TRIM33: variants seen among roughly 807,000 people sequenced by gnomAD.
TRIM33 encodes E3 ubiquitin-protein ligase TRIM33.
In TRIM33, 20 loss-of-function variants were observed where a neutral mutation model predicts 125.4. The observed-to-expected ratio is 0.16, with a 90% CI of 0.11 to 0.23. TRIM33 has a LOEUF of 0.23. Ranked by LOEUF, TRIM33 falls within the 10% of genes least tolerant of loss-of-function variation. TRIM33 has a pLI of 1.00. For missense variants in TRIM33, 920 were observed against 1,411.4 expected (o/e 0.65, Z 5.58); for synonymous variants, 564 against 513.9 (o/e 1.10, Z -1.32).
chr1:114,478,757 T>C (rs1651123440), intron 1 of TRIM33, among the ~76,000 whole-genome samples: 1 of 152,208 alleles, frequency 6.6e-6, no homozygotes, highest in African/African-American at 2.4e-5. Flanking sequence ...GCTTCAATAA[T>C]ACACTTCAGG....
At chr1:114,428,225 A>C (rs944893950) in intron 6 of TRIM33, among the ~76,000 whole-genome samples, 1 of 152,246 alleles carries the variant, frequency 6.6e-6, no homozygotes, top group African/African-American at 2.4e-5. Context: ...CTAACTTTAG[A>C]AATAAATTTA....
intron 11 of TRIM33, among the ~76,000 whole-genome samples, chr1:114,417,831 T>C (rs1281316662): frequency 6.6e-6 from 1 of 152,078 alleles, no homozygotes; most frequent in Non-Finnish European, 1.5e-5. Context: ...GCTAATTTTG[T>C]ATTTTTAGTA....
At position 114,393,271 on chromosome 1, in the gene TRIM33, T is replaced by G. The variant is rs1651374649; in HGVS notation, c.*4377A>C. The G allele has an allele frequency of 4.9e-6, 1 of 203,684 alleles. No homozygotes were observed. Among genetic ancestry groups the G allele is most frequent in the Non-Finnish European group, 1.0e-5 (1 of 99,048 alleles). 12.6% of individuals were successfully genotyped at this position (203,684 alleles called of 1,614,324 possible). On this transcript the variant is annotated 3_prime_UTR_variant, in exon 20 of 20. Transcript: ENST00000358465. ...GCACAAATCTTTTTTTATAGGCTTATGTATATGTTTCACTGTGTTTTAAAA... is the reference window on the plus strand; with the variant it reads ...GCACAAATCTTTTTTTATAGGCTTAGGTATATGTTTCACTGTGTTTTAAAA...
intron 15 of TRIM33, among the ~76,000 whole-genome samples, chr1:114,403,257 C>T (rs891466370): frequency 2.0e-5 from 3 of 152,204 alleles, no homozygotes; most frequent in Admixed American, 6.5e-5. Context: ...CAGAGTTTCT[C>T]AGGTATCTTG....
intron 11 of TRIM33, among the ~76,000 whole-genome samples, chr1:114,413,740 G>T (rs558395966): frequency 6.6e-6 from 1 of 151,326 alleles, no homozygotes; most frequent in African/African-American, 2.4e-5. Flanking sequence ...ATTACAGGAT[G>T]GCCAGGTTGG....
chr1:114,418,440 T>G (rs1034021719), intron 11 of TRIM33, among the ~76,000 whole-genome samples: 1 of 152,186 alleles, frequency 6.6e-6, no homozygotes, highest in Non-Finnish European at 1.5e-5. Context: ...TTAACCTTCA[T>G]GCTGATATTA....
chr1:114,461,018 C>T (rs538582982), intron 4 of TRIM33, among the ~76,000 whole-genome samples: 1 of 151,742 alleles, frequency 6.6e-6, no homozygotes, highest in Admixed American at 6.6e-5. Context: ...AACCGCCCCG[C>T]CCCACCCCCA....
At chr1:114,438,136 T>C (rs1339381125) in intron 4 of TRIM33, among the ~76,000 whole-genome samples, 1 of 152,166 alleles carries the variant, frequency 6.6e-6, no homozygotes, top group African/African-American at 2.4e-5. Context: ...TGAATGTACA[T>C]TATGGTCTTA....
chr1:114,451,682 G>C (rs1353993465), intron 4 of TRIM33, among the ~76,000 whole-genome samples: 1 of 151,372 alleles, frequency 6.6e-6, no homozygotes, highest in Non-Finnish European at 1.5e-5. Context: ...TGTAATAACA[G>C]CCAATAATAG....
rs1651449280 is a variant in TRIM33 at position 114,394,658 on chromosome 1, T to C, written c.*2990A>G. 3 of 203,638 alleles carry C rather than the reference T, an allele frequency of 1.5e-5. No homozygotes were observed. Among genetic ancestry groups the C allele is most frequent in the Middle Eastern group, 1.6e-3 (1 of 612 alleles). 12.6% of individuals were successfully genotyped at this position (203,638 alleles called of 1,614,324 possible). A position where few individuals can be genotyped will look rare whatever the true frequency, so the allele number is the denominator to read the frequency against. ...GATCCAAAAATAATAATTTCAATAGTGGATCCAATGCCTTATCATTTCTCT... is the reference window on the plus strand; with the variant it reads ...GATCCAAAAATAATAATTTCAATAGCGGATCCAATGCCTTATCATTTCTCT... On this transcript the variant is annotated 3_prime_UTR_variant, in exon 20 of 20. Transcript: ENST00000358465.
At chr1:114,477,738 T>C (rs867770730) in intron 1 of TRIM33, among the ~76,000 whole-genome samples, 1 of 152,320 alleles carries the variant, frequency 6.6e-6, no homozygotes, top group East Asian at 1.9e-4. Flanking sequence ...CAGTACTCAA[T>C]ACAACACTGG....
chr1:114,505,055 T>C (rs552326982), intron 1 of TRIM33, among the ~76,000 whole-genome samples: 1 of 152,326 alleles, frequency 6.6e-6, no homozygotes, highest in African/African-American at 2.4e-5. Context: ...ATTAACTCTC[T>C]TAATTCTCAC....
chr1:114,461,166 A>G (rs1415881211), intron 4 of TRIM33, among the ~76,000 whole-genome samples: 1 of 150,536 alleles, frequency 6.6e-6, no homozygotes, highest in Non-Finnish European at 1.5e-5. Flanking sequence ...AGCTATGATC[A>G]TGCCACTGCA....
chr1:114,480,139 G>C (rs371237677), intron 1 of TRIM33, among the ~76,000 whole-genome samples: 1 of 152,180 alleles, frequency 6.6e-6, no homozygotes, highest in East Asian at 1.9e-4. Flanking sequence ...TACTAAGAAA[G>C]ATTCTTCTGC....
intron 12 of TRIM33, 86 bp downstream of exon 12, chr1:114,410,098 G>T: frequency 1.3e-6 from 2 of 1,501,782 alleles, no homozygotes; most frequent in Non-Finnish European, 1.8e-6. Context: ...TACTTATTCT[G>T]TTTTTCTGGA....
intron 1 of TRIM33, among the ~76,000 whole-genome samples, chr1:114,483,397 A>C (rs541974068): frequency 3.3e-5 from 5 of 151,538 alleles, no homozygotes; most frequent in African/African-American, 1.2e-4. Context: ...TACAAAAAGG[A>C]AAGTCCAGAC....
intron 1 of TRIM33, among the ~76,000 whole-genome samples, chr1:114,479,968 G>A (rs186270065): frequency 6.6e-5 from 10 of 152,272 alleles, no homozygotes; most frequent in East Asian, 3.9e-4. Context: ...CCGCCACCCC[G>A]TCTGGGAGGT....
At chr1:114,403,222 T>G (rs1223245108) in intron 15 of TRIM33, among the ~76,000 whole-genome samples, 2 of 152,190 alleles carry the variant, frequency 1.3e-5, no homozygotes, top group Non-Finnish European at 2.9e-5. Flanking sequence ...ACTCAGTTAT[T>G]TATGAAGAAG....
At chr1:114,427,119 AT>A in intron 8 of TRIM33, 57 bp downstream of exon 8, 2 of 805,772 alleles carry the variant, frequency 2.5e-6, no homozygotes, top group Admixed American at 2.5e-5. Context: ...TGCTTTAAGT[AT>A]TTTCTCCTTC....
Sources: allele counts gnomAD v4.1 joint callset (sites outside exome capture counted in the v4.1 genomes callset), GRCh38; gene constraint gnomAD v4.1.1; transcripts MANE v1.5; gene names NCBI Gene and HGNC (gene_info 2026-07-23, HGNC 2026-07-21).